NRDC: variants seen among roughly 807,000 people sequenced by gnomAD.
The protein encoded by NRDC is nardilysin.
A neutral mutation model predicts 147.1 loss-of-function variants in NRDC; 54 were observed. The ratio of observed to expected loss-of-function variants is 0.37; its 90% CI spans 0.29 to 0.46. NRDC has a LOEUF of 0.46. Among genes scored for constraint, NRDC ranks in the 20% least tolerant of loss-of-function variants. The probability of loss-of-function intolerance (pLI) is 1.00; values close to 1 mark genes in which losing one functional copy is unlikely to be tolerated. For synonymous variants in NRDC, 440 were observed against 482.1 expected, an observed-to-expected ratio of 0.91 and a Z score of 1.14; for missense variants, 1,082 against 1,370.6, an observed-to-expected ratio of 0.79 and a Z score of 3.33.
intron 1 of NRDC, among the ~76,000 whole-genome samples, chr1:51,874,822 T>C (rs375108149): frequency 1.3e-5 from 2 of 152,000 alleles, no homozygotes; most frequent in African/African-American, 4.8e-5. Flanking sequence ...TGCCCAACAT[T>C]TCAAAAAAGC....
chr1:51,846,573 TGTGTTCA>T (rs1472321122), intron 1 of NRDC, among the ~76,000 whole-genome samples: 2 of 152,254 alleles, frequency 1.3e-5, no homozygotes, highest in Non-Finnish European at 2.9e-5. Context: ...AATGTTCGGA[TGTGTTCA>T]GAGTTTCTTC....
chr1:51,819,874 C>A lies in NRDC; in HGVS notation c.1218-1G>T, dbSNP rs1268106831. The A allele has an allele frequency of 6.2e-7, 1 of 1,604,350 alleles. No individual in the cohort carries two copies. Among genetic ancestry groups the A allele is most frequent in the Middle Eastern group, 2.0e-4 (1 of 5,048 alleles). The stretch of plus-strand genomic sequence containing the variant: ...GCCAAAGTTTGGTCTGGGTAACCCA[C>A]TGAAAATAAAACAAATACATACAAA... On this transcript the variant is annotated splice_acceptor_variant, in intron 8 of 30. Transcript: ENST00000352171. LOFTEE classifies it high-confidence loss of function.
At chr1:51,799,426 T>C (rs554190766) in intron 21 of NRDC, among the ~76,000 whole-genome samples, 1 of 152,210 alleles carries the variant, frequency 6.6e-6, no homozygotes, top group South Asian at 2.1e-4. Context: ...TATCTAGTTA[T>C]TAGTTTTTGT....
Position 51,789,289 on chromosome 1 carries a change from T to G in NRDC, c.3403A>C (p.Arg1135=). 6.2e-7 allele frequency: 1 copy of G among 1,614,186 alleles called. No homozygotes were observed. Among genetic ancestry groups the G allele is most frequent in the Non-Finnish European group, 8.5e-7 (1 of 1,180,008 alleles). The change falls in exon 31 of 31, where the codon AGG becomes CGG. Residue 1135 remains arginine (R), a synonymous_variant. Coordinates refer to ENST00000352171, the MANE Select transcript of NRDC (RefSeq NM_001101662.2). ...AGGTTGAGTGTTGTTGTGAAAGCCC[T>G]GATATCAGTAATGGGGATGATACAA... ...ADCIIPITDI[R]AFTTTLNLLP...
chr1:51,845,100 A>G (rs1681486495), intron 1 of NRDC, among the ~76,000 whole-genome samples: 1 of 152,026 alleles, frequency 6.6e-6, no homozygotes, highest in Non-Finnish European at 1.5e-5. Context: ...GTTCTCATTT[A>G]CCTCTCCAAC....
chr1:51,829,132 G>A (rs958764012), intron 4 of NRDC, among the ~76,000 whole-genome samples: 2 of 151,434 alleles, frequency 1.3e-5, no homozygotes, highest in African/African-American at 4.9e-5. Context: ...GGCACATCAC[G>A]GCTCACTGGA....
chr1:51,843,109 G>A (rs1158994962), intron 1 of NRDC, among the ~76,000 whole-genome samples: 2 of 149,820 alleles, frequency 1.3e-5, no homozygotes, highest in African/African-American at 4.9e-5. Context: ...TGGGGTGGGA[G>A]GGCAGGGCAA....
At chr1:51,877,989 G>GGCT (rs1454695155) in intron 1 of NRDC, 2 of 1,278,966 alleles carry the variant, frequency 1.6e-6, no homozygotes, top group Non-Finnish European at 2.0e-6. Context: ...TCACCATTCA[G>GGCT]GCTGCGTTCC....
intron 8 of NRDC, among the ~76,000 whole-genome samples, 169 bp from the exon 9 acceptor site, chr1:51,820,042 TAC>T (rs1402813495): frequency 6.6e-6 from 1 of 152,200 alleles, no homozygotes; most frequent in African/African-American, 2.4e-5. Flanking sequence ...AATCTTCAGT[TAC>T]ACAATCTGTT....
chr1:51,848,373 C>T (rs758695318), intron 1 of NRDC, among the ~76,000 whole-genome samples: 1 of 152,062 alleles, frequency 6.6e-6, no homozygotes, highest in Non-Finnish European at 1.5e-5. Context: ...CCCAGCTACT[C>T]AGGAGGCTGG....
chr1:51,807,043 C>T, intron 17 of NRDC, 130 bp from the exon 18 acceptor site: 1 of 939,812 alleles, frequency 1.1e-6, no homozygotes, highest in South Asian at 1.8e-5. Flanking sequence ...TGTTGGAATA[C>T]ATTAAATTAG....
chr1:51,873,201 T>C (rs1434679602), intron 1 of NRDC, among the ~76,000 whole-genome samples: 1 of 152,190 alleles, frequency 6.6e-6, no homozygotes, highest in Non-Finnish European at 1.5e-5. Context: ...TTCTGGTGTA[T>C]AGTTTTCTTC....
intron 7 of NRDC, among the ~76,000 whole-genome samples, chr1:51,822,996 G>C (rs1680273627): frequency 6.6e-6 from 1 of 152,048 alleles, no homozygotes; most frequent in Non-Finnish European, 1.5e-5. Flanking sequence ...TATGTTAAAA[G>C]GAATAATTTA....
intron 1 of NRDC, among the ~76,000 whole-genome samples, chr1:51,848,663 T>A (rs2149232550): frequency 6.6e-6 from 1 of 152,332 alleles, no homozygotes; most frequent in Non-Finnish European, 1.5e-5. Context: ...GTAGCTTTCC[T>A]ATACATCAAA....
Position 51,840,440 on chromosome 1 carries a change from T to C in NRDC, c.416A>G (p.Asn139Ser), listed in dbSNP as rs780292693. 6 of 1,611,790 alleles carry C rather than the reference T, an allele frequency of 3.7e-6. No homozygotes were observed. Among genetic ancestry groups the C allele is most frequent in the Non-Finnish European group, 2.5e-6 (3 of 1,178,176 alleles). Residue 139 changes from asparagine to serine, a missense_variant, in exon 2 of 31, where the codon AAT becomes AGT. Transcript: ENST00000352171. ...CTCTTCTTCTTCATCATCTGTTGTA[T>C]TTCCTGTTTTACCTTCCATATTACT... The part of the protein sequence containing the change: ...DLSNMEGKTG[N>S]TTDDEEEEEV...
intron 14 of NRDC, among the ~76,000 whole-genome samples, chr1:51,813,155 G>A: frequency 6.6e-6 from 1 of 151,930 alleles, no homozygotes; most frequent in Non-Finnish European, 1.5e-5. Context: ...TCAGATAAAA[G>A]TCTTGCGATA....
At chr1:51,837,411 G>C (rs1400654707) in intron 2 of NRDC, 2 of 1,335,344 alleles carry the variant, frequency 1.5e-6, no homozygotes, top group Non-Finnish European at 2.0e-6. Context: ...CATAAACTCA[G>C]TTAAAACATT....
In NRDC at chr1:51,818,156, GA is replaced by G. The variant is rs779156971; in HGVS notation, c.1292-22del. On this transcript the variant is annotated intron_variant, in intron 9 of 30. Coordinates refer to ENST00000352171, the MANE Select transcript of NRDC (RefSeq NM_001101662.2). The stretch of plus-strand genomic sequence containing the variant: ...AACAACTAAACAAAAATATTTTCCA[GA>G]AGAACAGATGTAAGTGTTTCTCTAT... 7.1e-6 allele frequency: 11 copies of G among 1,545,964 alleles called. No homozygotes were observed. In the East Asian group the frequency reaches 2.3e-4, roughly 32 times the overall value.
Position 51,827,820 on chromosome 1 carries a change from G to C in NRDC, c.916C>G (p.Arg306Gly). ...CCACTATCAACAGCTTCAACTTCAC[G>C]GTCAATTGCATCTCTGATCATTAGT... is the stretch of plus-strand genomic sequence containing the variant. Reference protein sequence around the residue: ...HPLMIRDAIDREVEAVDSEYQ... With the variant: ...HPLMIRDAIDGEVEAVDSEYQ... Residue 306 changes from arginine to glycine, a missense_variant, in exon 5 of 31, where the codon CGT becomes GGT. By Grantham distance (125) the Arg-to-Gly change is moderately radical. Transcript: ENST00000352171. The C allele has an allele frequency of 6.2e-7, 1 of 1,613,782 alleles. No homozygotes were observed. Among genetic ancestry groups the C allele is most frequent in the South Asian group, 1.1e-5 (1 of 91,072 alleles).
Sources: gnomAD v4.1 joint callset for allele counts (sites outside exome capture counted in the v4.1 genomes callset) on GRCh38, gnomAD v4.1.1 for gene constraint, MANE v1.5 for transcripts, NCBI Gene and HGNC (gene_info 2026-07-23, HGNC 2026-07-21) for gene names.